PPFIA2: variants seen among roughly 807,000 people sequenced by gnomAD.
PPFIA2 encodes the protein PPFI scaffold protein A2, also known as liprin-alpha-2.
Under a neutral mutation model 175.5 loss-of-function variants are expected in PPFIA2, and 46 were observed. The ratio of observed to expected loss-of-function variants is 0.26; its 90% CI spans 0.21 to 0.34. The LOEUF is 0.34. PPFIA2 is among the 10% of genes least tolerant of loss of function. PPFIA2 has a pLI of 1.00. For missense variants in PPFIA2, 1,179 were observed against 1,506.1 expected (o/e 0.78, Z 3.60); for synonymous variants, 568 against 511.4 (o/e 1.11, Z -1.49).
At position 81,674,772 on chromosome 12, in the gene PPFIA2, G is replaced by A. The variant is rs1196988060; in HGVS notation, c.303+2019C>T. Among the ~76,000 whole-genome samples the A allele has an allele frequency of 3.3e-5, 5 of 151,948 alleles. No homozygotes were observed. The East Asian group carries it at 7.8e-4, about 24-fold the overall frequency. Reference sequence around the variant, plus strand: ...CTGACTTTCAGTTTTCTAACTTGGAGGCAAAAACAATAGCTTCATTCATTG... The same window carrying A: ...CTGACTTTCAGTTTTCTAACTTGGAAGCAAAAACAATAGCTTCATTCATTG... On this transcript the variant is annotated intron_variant, in intron 4 of 32. Coordinates refer to ENST00000549396, the MANE Select transcript of PPFIA2 (RefSeq NM_003625.5).
At chr12:81,693,011 A>C (rs1316718024) in intron 3 of PPFIA2, among the ~76,000 whole-genome samples, 1 of 152,110 alleles carries the variant, frequency 6.6e-6, no homozygotes, top group Admixed American at 6.6e-5. Flanking sequence ...ATATCATCAC[A>C]GTAGATGATT....
intron 7 of PPFIA2, among the ~76,000 whole-genome samples, chr12:81,434,619 T>C (rs990011733): frequency 6.6e-6 from 1 of 152,058 alleles, no homozygotes; most frequent in Non-Finnish European, 1.5e-5. Flanking sequence ...TAGGAGGGAA[T>C]AGCAGTACAT....
intron 21 of PPFIA2, among the ~76,000 whole-genome samples, chr12:81,328,819 T>TA (rs71098136): frequency 1.0e-3 from 4 of 3,912 alleles, no homozygotes; most frequent in Non-Finnish European, 1.8e-3. Context: ...TCTTTCTTTC[T>TA]TTTTTTTTTT....
intron 3 of PPFIA2, among the ~76,000 whole-genome samples, chr12:81,753,026 C>T (rs2084067346): frequency 6.6e-6 from 1 of 151,828 alleles, no homozygotes; most frequent in Admixed American, 6.6e-5. Flanking sequence ...CCTCTGCCTC[C>T]CGGGTTCAAG....
At chr12:81,507,074 G>A (rs557025218) in intron 4 of PPFIA2, among the ~76,000 whole-genome samples, 1 of 152,198 alleles carries the variant, frequency 6.6e-6, no homozygotes, top group South Asian at 2.1e-4. Flanking sequence ...TATTCAAATA[G>A]TATTTTTTTT....
chr12:81,445,356 G>T (rs990361524), intron 6 of PPFIA2, among the ~76,000 whole-genome samples, 200 bp downstream of exon 6: 2 of 151,974 alleles, frequency 1.3e-5, no homozygotes, highest in African/African-American at 4.8e-5. Flanking sequence ...CAGTGGTTTA[G>T]AAAAAGAAGA....
chr12:81,655,243 C>A (rs890306645), intron 4 of PPFIA2, among the ~76,000 whole-genome samples: 5 of 151,704 alleles, frequency 3.3e-5, no homozygotes, highest in Non-Finnish European at 7.4e-5. Context: ...AATTTTCCCC[C>A]AAAAATCAAC....
chr12:81,556,488 A>C (rs564660500), intron 4 of PPFIA2, among the ~76,000 whole-genome samples: 2 of 152,014 alleles, frequency 1.3e-5, no homozygotes, highest in East Asian at 3.9e-4. Flanking sequence ...GTTTTCCACA[A>C]ACTAACATAA....
chr12:81,639,082 T>A (rs1221588094), intron 4 of PPFIA2, among the ~76,000 whole-genome samples: 1 of 152,196 alleles, frequency 6.6e-6, no homozygotes, highest in African/African-American at 2.4e-5. Flanking sequence ...TTTTCCTTCC[T>A]TTGAAGGAAG....
intron 8 of PPFIA2, among the ~76,000 whole-genome samples, chr12:81,395,956 T>C (rs1279905250): frequency 1.3e-5 from 2 of 152,086 alleles, no homozygotes; most frequent in African/African-American, 4.8e-5. Flanking sequence ...ATGGCAGTTA[T>C]ATCCATATGC....
intron 4 of PPFIA2, among the ~76,000 whole-genome samples, chr12:81,491,967 A>T (rs949239076): frequency 6.6e-6 from 1 of 151,938 alleles, no homozygotes; most frequent in South Asian, 2.1e-4. Flanking sequence ...ATGTTTCTAA[A>T]TCCTATATAC....
At chr12:81,561,199 G>T (rs774465023) in intron 4 of PPFIA2, among the ~76,000 whole-genome samples, 5 of 152,262 alleles carry the variant, frequency 3.3e-5, no homozygotes, top group Middle Eastern at 3.4e-3. Context: ...TATGATATGA[G>T]ATGGCAAAGA....
At chr12:81,423,335 C>T (rs141269730) in intron 7 of PPFIA2, among the ~76,000 whole-genome samples, 7 of 152,176 alleles carry the variant, frequency 4.6e-5, no homozygotes, top group African/African-American at 9.6e-5. Context: ...GATGAACAAA[C>T]ATGCAAAAAT....
rs150471889 is a variant in PPFIA2 at position 81,601,423 on chromosome 12, C to T, written c.303+75368G>A. Among the ~76,000 whole-genome samples the T allele has an allele frequency of 9.9e-5, 15 of 151,844 alleles. 1 individual carries two copies. Among genetic ancestry groups the T allele is most frequent in the South Asian group, 4.2e-4 (2 of 4,818 alleles). Reference sequence around the variant, plus strand: ...TATTCATTGTCCATTGTGGTTGAGGCCAAAGCTTATATATCAAGGTACGGT... The same window carrying T: ...TATTCATTGTCCATTGTGGTTGAGGTCAAAGCTTATATATCAAGGTACGGT... On this transcript the variant is annotated intron_variant, in intron 4 of 32. Transcript: ENST00000549396.
chr12:81,402,986 A>G (rs12425048), intron 8 of PPFIA2, among the ~76,000 whole-genome samples: 4,406 of 152,312 alleles, frequency 0.029, 189 homozygotes, highest in Admixed American at 0.12. Flanking sequence ...GACTAAATAT[A>G]TATGATACAT....
At chr12:81,622,777 C>T (rs1349623384) in intron 4 of PPFIA2, among the ~76,000 whole-genome samples, 2 of 152,090 alleles carry the variant, frequency 1.3e-5, no homozygotes, top group East Asian at 1.9e-4. Flanking sequence ...TTTTATGTTC[C>T]TCCTTCTGCC....
At chr12:81,522,313 G>A (rs1289359684) in intron 4 of PPFIA2, among the ~76,000 whole-genome samples, 1 of 152,088 alleles carries the variant, frequency 6.6e-6, no homozygotes, top group African/African-American at 2.4e-5. Flanking sequence ...ACCATCTACT[G>A]TGGATTTTAT....
chr12:81,401,878 T>TATATTATATTTAA (rs2042146389), intron 8 of PPFIA2, among the ~76,000 whole-genome samples: 1 of 152,202 alleles, frequency 6.6e-6, no homozygotes, highest in South Asian at 2.1e-4. Context: ...ATATTTATAT[T>TATATTATATTTAA]CTTCTCAATC....
At chr12:81,389,722 A>G (rs2039747569) in intron 8 of PPFIA2, among the ~76,000 whole-genome samples, 1 of 152,062 alleles carries the variant, frequency 6.6e-6, no homozygotes, top group Admixed American at 6.6e-5. Context: ...TACCTTTAAA[A>G]TAAATTGTGG....
Sources: gnomAD v4.1 joint callset for allele counts (sites outside exome capture counted in the v4.1 genomes callset) on GRCh38, gnomAD v4.1.1 for gene constraint, MANE v1.5 for transcripts, NCBI Gene and HGNC (gene_info 2026-07-23, HGNC 2026-07-21) for gene names.